Variants in CCSER1 observed in about 807,000 individuals in gnomAD.
CCSER1 encodes coiled-coil serine rich protein 1.
Under a neutral mutation model 82.0 loss-of-function variants are expected in CCSER1, and 41 were observed. That is an observed-to-expected ratio of 0.50 (90% CI 0.39 to 0.65). The LOEUF is 0.65. Among genes scored for constraint, CCSER1 ranks in the 30% least tolerant of loss-of-function variants. CCSER1 has a pLI of 0.00. For synonymous variants in CCSER1, 414 were observed against 383.9 expected (o/e 1.08, Z -0.92); for missense variants, 1,119 against 1,064.2 (o/e 1.05, Z -0.72).
chr4:91,567,368 G>T (rs1393189809), intron 10 of CCSER1, among the ~76,000 whole-genome samples: 4 of 152,030 alleles, frequency 2.6e-5, no homozygotes, highest in African/African-American at 7.2e-5. Context: ...TTGTTTTAAG[G>T]TGGAGAGTTA....
chr4:91,118,284 C>CT (rs1251894474), intron 10 of CCSER1, among the ~76,000 whole-genome samples: 39,095 of 123,146 alleles, frequency 0.32, 7,174 homozygotes, highest in East Asian at 0.45. Flanking sequence ...GTTATGGAGA[C>CT]TTTTTTTTTT....
chr4:91,233,806 T>C (rs1208250484), intron 10 of CCSER1, among the ~76,000 whole-genome samples: 1 of 151,948 alleles, frequency 6.6e-6, no homozygotes, highest in Admixed American at 6.6e-5. Flanking sequence ...GTTAAGGATT[T>C]TTTTTTAACC....
intron 3 of CCSER1, among the ~76,000 whole-genome samples, chr4:90,336,466 C>T (rs1286288349): frequency 6.6e-6 from 1 of 152,172 alleles, no homozygotes; most frequent in Admixed American, 6.5e-5. Flanking sequence ...TATTGAATCT[C>T]AACCAGTTTT....
At chr4:91,527,613 A>G (rs910670140) in intron 10 of CCSER1, among the ~76,000 whole-genome samples, 1 of 152,246 alleles carries the variant, frequency 6.6e-6, no homozygotes, top group African/African-American at 2.4e-5. Context: ...GGAGACAGAT[A>G]TAACAGTGAC....
In CCSER1 at chr4:90,735,194, T is replaced by C. The variant is rs187118153; in HGVS notation, c.2010+11203T>C. Among the ~76,000 whole-genome samples the C allele has an allele frequency of 3.9e-3, 594 of 152,310 alleles. 3 individuals carry two copies. Among genetic ancestry groups the C allele is most frequent in the African/African-American group, 0.014 (571 of 41,578 alleles). On this transcript the variant is annotated intron_variant, in intron 7 of 10. Coordinates refer to ENST00000509176, the MANE Select transcript of CCSER1 (RefSeq NM_001145065.2). ...AATTCTACCTGGTCATGACGAATGA[T>C]CTTTTTAATGGGTTGTTGAATGCAG... is the stretch of plus-strand genomic sequence containing the variant.
chr4:90,688,884 A>T (rs181265756), intron 6 of CCSER1, among the ~76,000 whole-genome samples: 1 of 152,236 alleles, frequency 6.6e-6, no homozygotes, highest in East Asian at 1.9e-4. Flanking sequence ...TTTTTACTCA[A>T]ATGCATATCT....
chr4:90,471,330 A>G lies in CCSER1; in HGVS notation c.1724+2976A>G, dbSNP rs1225940823. 8.4e-4 allele frequency among the ~76,000 whole-genome samples: 128 copies of G among 151,934 alleles called. 2 individuals are homozygous for G. Among genetic ancestry groups the G allele is most frequent in the Non-Finnish European group, 1.5e-4 (10 of 67,956 alleles). On this transcript the variant is annotated intron_variant, in intron 5 of 10. Transcript: ENST00000509176. ...TGCACCTATACTCCCAGATACTCAC[A>G]AGGCTGAGGGGAAAGGATCATTTGA...
chr4:91,114,251 G>A (rs1281198903), intron 10 of CCSER1, among the ~76,000 whole-genome samples: 4 of 152,060 alleles, frequency 2.6e-5, no homozygotes, highest in East Asian at 3.9e-4. Flanking sequence ...ATGTTTCCTT[G>A]ATTCAAAGTC....
intron 3 of CCSER1, among the ~76,000 whole-genome samples, chr4:90,350,468 G>A (rs888385474): frequency 2.6e-5 from 4 of 152,058 alleles, no homozygotes; most frequent in African/African-American, 9.7e-5. Flanking sequence ...AATTGGAAAG[G>A]AAGAGGTAAG....
At chr4:91,136,228 A>G (rs941016606) in intron 10 of CCSER1, among the ~76,000 whole-genome samples, 1 of 152,208 alleles carries the variant, frequency 6.6e-6, no homozygotes. Context: ...CAATTAAAAC[A>G]CTACTCTTCA....
chr4:90,534,475 G>T (rs571603530), intron 5 of CCSER1, among the ~76,000 whole-genome samples: 29 of 150,958 alleles, frequency 1.9e-4, no homozygotes, highest in East Asian at 1.6e-3. Context: ...GTGTGTGTGT[G>T]TGTGTGTGTG....
chr4:90,466,709 A>C (rs966064028), intron 4 of CCSER1, among the ~76,000 whole-genome samples: 1 of 152,244 alleles, frequency 6.6e-6, no homozygotes, highest in African/African-American at 2.4e-5. Context: ...TGACAAAACC[A>C]AGTGTTGGTG....
At chr4:91,529,142 T>C (rs1214523065) in intron 10 of CCSER1, among the ~76,000 whole-genome samples, 1 of 152,148 alleles carries the variant, frequency 6.6e-6, no homozygotes, top group Non-Finnish European at 1.5e-5. Context: ...GACATTGGCA[T>C]ACCCATAGAT....
chr4:91,030,186 T>A (rs35294220), intron 9 of CCSER1, among the ~76,000 whole-genome samples: 51,466 of 148,686 alleles, frequency 0.35, 10,554 homozygotes, highest in East Asian at 0.58. Context: ...TTTATGAAAT[T>A]TTTTTTTAAA....
At chr4:90,317,573 G>C (rs954148773) in intron 3 of CCSER1, among the ~76,000 whole-genome samples, 1 of 152,172 alleles carries the variant, frequency 6.6e-6, no homozygotes, top group African/African-American at 2.4e-5. Flanking sequence ...AGTCAGCTGA[G>C]ATCATGCCAC....
intron 9 of CCSER1, among the ~76,000 whole-genome samples, chr4:91,061,414 G>T (rs1033580919): frequency 1.3e-5 from 2 of 151,960 alleles, no homozygotes; most frequent in African/African-American, 2.4e-5. Context: ...ATTTTTCTCA[G>T]CCCTCTCCAC....
At chr4:90,655,664 C>T (rs956619702) in intron 6 of CCSER1, among the ~76,000 whole-genome samples, 3 of 151,832 alleles carry the variant, frequency 2.0e-5, no homozygotes, top group African/African-American at 7.2e-5. Context: ...TTATTGTTTT[C>T]ACATGTCCTA....
chr4:90,556,615 A>G (rs1438247207), intron 5 of CCSER1, among the ~76,000 whole-genome samples: 1 of 152,034 alleles, frequency 6.6e-6, no homozygotes, highest in Non-Finnish European at 1.5e-5. Context: ...TGTATACTGT[A>G]TTTTCACAAT....
At chr4:90,216,087 A>G (rs1278991263) in intron 1 of CCSER1, among the ~76,000 whole-genome samples, 1 of 152,172 alleles carries the variant, frequency 6.6e-6, no homozygotes, top group Admixed American at 6.5e-5. Flanking sequence ...AGGAGCAGAA[A>G]CTTTTTATAT....
Sources: gnomAD v4.1 joint callset for allele counts (sites outside exome capture counted in the v4.1 genomes callset) on GRCh38, gnomAD v4.1.1 for gene constraint, MANE v1.5 for transcripts, NCBI Gene and HGNC (gene_info 2026-07-23, HGNC 2026-07-21) for gene names.